CRY1: variants seen among roughly 807,000 people sequenced by gnomAD.
The protein encoded by CRY1 is cryptochrome circadian regulator 1.
CRY1 carries 45 observed loss-of-function variants against 76.0 expected under a neutral mutation model. The observed-to-expected ratio is 0.59, with a 90% CI of 0.47 to 0.76. CRY1 has a LOEUF of 0.76. Ranked by LOEUF, CRY1 falls within the 30% of genes least tolerant of loss-of-function variation. The pLI, the probability that CRY1 is intolerant of heterozygous loss-of-function variation, is 0.00. For missense variants in CRY1, 587 were observed against 716.4 expected, an observed-to-expected ratio of 0.82 and a Z score of 2.06; for synonymous variants, 248 against 244.0, an observed-to-expected ratio of 1.02 and a Z score of -0.15.
chr12:107,053,541 C>T (rs1952947473), intron 1 of CRY1, among the ~76,000 whole-genome samples: 1 of 152,170 alleles, frequency 6.6e-6, no homozygotes, highest in South Asian at 2.1e-4. Flanking sequence ...TGATCTCGAA[C>T]TTCCAACCTC....
At position 107,022,152 on chromosome 12, in the gene CRY1, G is replaced by C; in HGVS notation, c.199C>G (p.Arg67Gly). 6.2e-7 allele frequency: 1 copy of C among 1,601,570 alleles called. No homozygotes were observed. Among genetic ancestry groups the C allele is most frequent in the Non-Finnish European group, 8.5e-7 (1 of 1,173,634 alleles). Reference sequence around the variant, plus strand: ...ACAAACAGACGGGAGTTTAATTTTCGTAGATTGGCATCAAGATCCTCAAGA... The same window carrying C: ...ACAAACAGACGGGAGTTTAATTTTCCTAGATTGGCATCAAGATCCTCAAGA... ...QCLEDLDANL[R>G]KLNSRLFVIR... is the part of the protein sequence containing the mutation. Residue 67 changes from arginine (R) to glycine (G), a missense_variant, in exon 2 of 13, where the codon CGA becomes GGA. Transcript: ENST00000008527.
intron 1 of CRY1, among the ~76,000 whole-genome samples, chr12:107,054,610 T>C (rs924415885): frequency 1.4e-5 from 2 of 147,952 alleles, no homozygotes; most frequent in East Asian, 2.0e-4. Flanking sequence ...AGTTAATATA[T>C]GCTATTTACA....
chr12:106,998,689 CACAA>C (rs1462880196), intron 7 of CRY1, among the ~76,000 whole-genome samples: 1 of 151,592 alleles, frequency 6.6e-6, no homozygotes, highest in African/African-American at 2.4e-5. Context: ...CACACACACA[CACAA>C]GCTCAGAAAT....
At chr12:107,007,050 G>A (rs1689250336) in intron 2 of CRY1, among the ~76,000 whole-genome samples, 1 of 152,132 alleles carries the variant, frequency 6.6e-6, no homozygotes, top group African/African-American at 2.4e-5. Context: ...AAGAAATTAA[G>A]GGCTGTTGAC....
intron 7 of CRY1, among the ~76,000 whole-genome samples, chr12:106,999,028 TGA>T (rs1219048114): frequency 7.7e-6 from 1 of 130,142 alleles, no homozygotes; most frequent in Non-Finnish European, 1.6e-5. Flanking sequence ...GGCTACAGAG[TGA>T]GAGACTCCGT....
chr12:107,076,544 G>A (rs578233838), intron 1 of CRY1, among the ~76,000 whole-genome samples: 18 of 151,716 alleles, frequency 1.2e-4, no homozygotes, highest in Admixed American at 7.2e-4. Context: ...GAACCCAGGA[G>A]GCAGAGGTTG....
intron 1 of CRY1, among the ~76,000 whole-genome samples, chr12:107,023,675 T>C (rs1291984462): frequency 6.6e-6 from 1 of 152,170 alleles, no homozygotes; most frequent in Non-Finnish European, 1.5e-5. Context: ...TATGAGGATG[T>C]TAAAGACATC....
At chr12:107,053,398 C>A (rs912719699) in intron 1 of CRY1, among the ~76,000 whole-genome samples, 2 of 152,058 alleles carry the variant, frequency 1.3e-5, no homozygotes, top group Non-Finnish European at 2.9e-5. Flanking sequence ...CTCACCATAA[C>A]CTCTGCCTCC....
chr12:107,050,369 C>T (rs1264774563), intron 1 of CRY1: 1 of 152,208 alleles, frequency 6.6e-6, no homozygotes, highest in African/African-American at 2.4e-5. Context: ...TGGAGGTGGG[C>T]CTAGGGGGGA....
chr12:107,060,503 C>A, intron 1 of CRY1, among the ~76,000 whole-genome samples: 1 of 152,118 alleles, frequency 6.6e-6, no homozygotes, highest in East Asian at 1.9e-4. Context: ...TAAAAATTAC[C>A]CAGTCTTTGG....
intron 1 of CRY1, among the ~76,000 whole-genome samples, chr12:107,060,211 A>C (rs1482400806): frequency 6.6e-6 from 1 of 152,236 alleles, no homozygotes; most frequent in Non-Finnish European, 1.5e-5. Flanking sequence ...TGTGTCCCCC[A>C]AAAAGCACAT....
chr12:107,043,538 A>G (rs1952821516), intron 1 of CRY1, among the ~76,000 whole-genome samples: 1 of 152,138 alleles, frequency 6.6e-6, no homozygotes, highest in African/African-American at 2.4e-5. Flanking sequence ...AGCTGAGCTG[A>G]TGTAGTACCC....
At chr12:107,091,479 A>C (rs1355966293) in intron 1 of CRY1, among the ~76,000 whole-genome samples, 3 of 152,028 alleles carry the variant, frequency 2.0e-5, no homozygotes, top group Non-Finnish European at 4.4e-5. Context: ...ACCTGGATGA[A>C]TGCCAACAGC....
intron 1 of CRY1, among the ~76,000 whole-genome samples, chr12:107,062,025 C>CAAAAAAAAAAAAAAAAAAG (rs1953053603): frequency 1.1e-5 from 1 of 93,558 alleles, no homozygotes; most frequent in African/African-American, 4.7e-5. Flanking sequence ...GACCCTGTCT[C>CAAAAAAAAAAAAAAAAAAG]AAAAAAAAAA....
At chr12:107,007,199 T>C (rs1952385444) in intron 2 of CRY1, among the ~76,000 whole-genome samples, 1 of 152,208 alleles carries the variant, frequency 6.6e-6, no homozygotes, top group Non-Finnish European at 1.5e-5. Context: ...TTCTATTTCT[T>C]TGTTTTATAG....
At chr12:107,011,315 A>C (rs1952440944) in intron 2 of CRY1, among the ~76,000 whole-genome samples, 2 of 151,652 alleles carry the variant, frequency 1.3e-5, no homozygotes, top group Admixed American at 1.3e-4. Flanking sequence ...GAGCCATTGC[A>C]CTCCAGCCTG....
chr12:107,037,102 G>A (rs533270106), intron 1 of CRY1, among the ~76,000 whole-genome samples: 1 of 152,112 alleles, frequency 6.6e-6, no homozygotes, highest in Non-Finnish European at 1.5e-5. Flanking sequence ...GATGACATGT[G>A]AGCAGAAAGA....
chr12:107,044,179 T>C (rs1952827003), intron 1 of CRY1, among the ~76,000 whole-genome samples: 1 of 152,126 alleles, frequency 6.6e-6, no homozygotes. Flanking sequence ...CCACAGCTGC[T>C]CTGGACATCT....
intron 2 of CRY1, among the ~76,000 whole-genome samples, chr12:107,010,052 A>C (rs982348049): frequency 6.6e-6 from 1 of 152,124 alleles, no homozygotes; most frequent in Admixed American, 6.5e-5. Context: ...TACAAATTCA[A>C]TTTATTTAAG....
Sources: gnomAD v4.1 joint callset for allele counts (sites outside exome capture counted in the v4.1 genomes callset) on GRCh38, gnomAD v4.1.1 for gene constraint, MANE v1.5 for transcripts, NCBI Gene and HGNC (gene_info 2026-07-23, HGNC 2026-07-21) for gene names.